The following DGKH variants were observed in gnomAD, a reference collection of about 807,000 sequenced individuals.
The protein encoded by DGKH is diacylglycerol kinase eta.
In DGKH, 90 loss-of-function variants were observed where a neutral mutation model predicts 159.3. That is an observed-to-expected ratio of 0.57 (90% CI 0.48 to 0.67). DGKH has a LOEUF of 0.67. DGKH is among the 30% of genes least tolerant of loss of function. DGKH has a pLI of 0.00. For synonymous variants in DGKH, 536 were observed against 553.8 expected, an observed-to-expected ratio of 0.97 and a Z score of 0.45; for missense variants, 1,181 against 1,506.1, an observed-to-expected ratio of 0.78 and a Z score of 3.57.
intron 3 of DGKH, among the ~76,000 whole-genome samples, chr13:42,132,185 A>G (rs1170794182): frequency 3.3e-5 from 5 of 152,226 alleles, no homozygotes; most frequent in African/African-American, 1.2e-4. Context: ...TGTAGGATAC[A>G]TAGTGATGTT....
intron 3 of DGKH, among the ~76,000 whole-genome samples, chr13:42,135,318 G>T (rs552133925): frequency 2.6e-5 from 4 of 151,664 alleles, no homozygotes; most frequent in African/African-American, 9.7e-5. Flanking sequence ...GGGCAAAATG[G>T]CGAAACCCCA....
rs967560389 is a variant in DGKH, at chr13:42,081,154, C to T, written c.192+32189C>T. Among the ~76,000 whole-genome samples the T allele has an allele frequency of 4.6e-5, 7 of 151,868 alleles. No homozygotes were observed. The South Asian group carries it at 1.5e-3, about 32-fold the overall frequency. ...CTATCATGGTTGCCAAATGAATTTT[C>T]CAATTTTATCGTTCTTTATTTTCAT... On this transcript the variant is annotated intron_variant, in intron 1 of 29. Transcript: ENST00000337343.
chr13:42,254,439 C>T (rs1425696066), intron 30 of DGKH, among the ~76,000 whole-genome samples: 1 of 152,064 alleles, frequency 6.6e-6, no homozygotes, highest in Non-Finnish European at 1.5e-5. Flanking sequence ...CAAGACCAGC[C>T]TGGCCAACAT....
chr13:42,170,340 G>T (rs770309939), intron 11 of DGKH, among the ~76,000 whole-genome samples: 4 of 152,162 alleles, frequency 2.6e-5, no homozygotes, highest in Non-Finnish European at 5.9e-5. Context: ...TTGAGCCCAG[G>T]AGGTGGAGGT....
downstream of DGKH, among the ~76,000 whole-genome samples, chr13:42,243,478 G>A (rs951116047): frequency 3.3e-5 from 5 of 152,206 alleles, no homozygotes; most frequent in Admixed American, 2.6e-4. Context: ...TGCATGACAA[G>A]TGTTGTCTCT....
chr13:42,063,029 A>C (rs1882297515), intron 1 of DGKH, among the ~76,000 whole-genome samples: 1 of 152,194 alleles, frequency 6.6e-6, no homozygotes, highest in Admixed American at 6.5e-5. Context: ...GGTTTAAAAA[A>C]TGTTCTTTGG....
At chr13:42,220,996 G>T (rs538104132) in intron 28 of DGKH, among the ~76,000 whole-genome samples, 4 of 152,278 alleles carry the variant, frequency 2.6e-5, no homozygotes, top group Non-Finnish European at 5.9e-5. Flanking sequence ...ATATTGTGTA[G>T]GTTGGGTGGC....
intron 3 of DGKH, among the ~76,000 whole-genome samples, chr13:42,143,620 C>T (rs369198699): frequency 2.6e-5 from 4 of 152,108 alleles, no homozygotes; most frequent in African/African-American, 4.8e-5. Context: ...TTCCTGGTTT[C>T]GTCTTGGGAG....
chr13:42,190,357 C>A (rs762128445), intron 15 of DGKH, 46 bp from the exon 16 acceptor site: 2 of 1,579,178 alleles, frequency 1.3e-6, no homozygotes, highest in Non-Finnish European at 1.7e-6. Flanking sequence ...TATTAATGGG[C>A]TTTATTTTCA....
rs143470293 is a variant in DGKH, at chr13:42,151,478, G to GGTGTGTGT, written c.385-3792_385-3785dup. ...TTTTTGTGACTGAGTAGTATTCCAT[G>GGTGTGTGT]GTGTGTGTGTGTGTGTGTGTGTGTG... On this transcript the variant is annotated intron_variant, in intron 3 of 29. Transcript: ENST00000337343. 1.4e-3 allele frequency among the ~76,000 whole-genome samples: 174 copies of GGTGTGTGT among 126,368 alleles called. 2 individuals carry two copies. In the East Asian group the frequency reaches 0.022, roughly 16 times the overall value. 82.9% of individuals were successfully genotyped at this position (126,368 alleles called of 152,430 possible). A position where few individuals can be genotyped will look rare whatever the true frequency, so the allele number is the denominator to read the frequency against.
intron 11 of DGKH, among the ~76,000 whole-genome samples, chr13:42,169,513 A>G (rs990456079): frequency 2.5e-4 from 38 of 152,220 alleles, no homozygotes; most frequent in African/African-American, 9.2e-4. Flanking sequence ...AACAGGACTC[A>G]GTAACCAGCC....
At position 42,169,705 on chromosome 13, in the gene DGKH, T is replaced by C. The variant is rs550936929; in HGVS notation, c.1367+887T>C. 2.6e-5 allele frequency among the ~76,000 whole-genome samples: 4 copies of C among 152,346 alleles called. No homozygotes were observed. The South Asian group carries it at 8.3e-4, about 32-fold the overall frequency. ...AATTACTCTAAGATGGGCTATAACC[T>C]AATTAATTGTAACCTTGCCTGTCAT... On this transcript the variant is annotated intron_variant, in intron 11 of 29. Coordinates refer to ENST00000337343, the MANE Select transcript of DGKH (RefSeq NM_178009.5).
At chr13:42,256,060 G>A in intron 30 of DGKH, 1 of 1,336,376 alleles carries the variant, frequency 7.5e-7, no homozygotes, top group South Asian at 1.2e-5. Context: ...GGTCAGGTCT[G>A]GGAGAACTGA....
chr13:42,168,559 A>G lies in DGKH; in HGVS notation c.1227+11A>G, dbSNP rs763075592. 5 of 1,613,782 alleles carry G rather than the reference A, an allele frequency of 3.1e-6. No individual in the cohort carries two copies. In the East Asian group the frequency reaches 1.1e-4, roughly 36 times the overall value. Reference sequence around the variant, plus strand: ...AACTTGAATAAACAGGCAAGTGCTAATTCTTTTACTTGCTAGTTAACATGA... The same window carrying G: ...AACTTGAATAAACAGGCAAGTGCTAGTTCTTTTACTTGCTAGTTAACATGA... On this transcript the variant is annotated intron_variant, in intron 10 of 29. Coordinates refer to ENST00000337343, the MANE Select transcript of DGKH (RefSeq NM_178009.5).
intron 1 of DGKH, among the ~76,000 whole-genome samples, chr13:42,088,168 G>A (rs1045670071): frequency 6.6e-6 from 1 of 152,146 alleles, no homozygotes; most frequent in Non-Finnish European, 1.5e-5. Flanking sequence ...TATGCTCAGT[G>A]AAAAATATCT....
At chr13:42,183,925 C>G (rs1956839584) in intron 13 of DGKH, among the ~76,000 whole-genome samples, 1 of 152,294 alleles carries the variant, frequency 6.6e-6, no homozygotes, top group African/African-American at 2.4e-5. Context: ...ACTCTACTCA[C>G]CCCCCAAGTT....
Position 42,158,927 on chromosome 13 carries a change from CCTG to C in DGKH, c.623-336_623-334del, listed in dbSNP as rs545871419. Among the ~76,000 whole-genome samples the C allele has an allele frequency of 3.3e-3, 500 of 152,222 alleles. 1 individual carries two copies. Among genetic ancestry groups the C allele is most frequent in the Non-Finnish European group, 4.8e-3 (329 of 68,008 alleles). ...TTTAAAATGGGATGTCACCAGCAGA[CCTG>C]CTACCAAATTTTATTTGCTTCCCTC... is the stretch of plus-strand genomic sequence containing the variant. On this transcript the variant is annotated intron_variant, in intron 5 of 29. Coordinates refer to ENST00000337343, the MANE Select transcript of DGKH (RefSeq NM_178009.5).
downstream of DGKH, among the ~76,000 whole-genome samples, chr13:42,246,529 C>T (rs761593555): frequency 6.6e-6 from 1 of 152,128 alleles, no homozygotes; most frequent in Non-Finnish European, 1.5e-5. Flanking sequence ...ATACCAACCC[C>T]GTGAGTTTAT....
chr13:42,203,098 CAAAAT>C (rs1957385612), intron 20 of DGKH, among the ~76,000 whole-genome samples: 1 of 152,022 alleles, frequency 6.6e-6, no homozygotes, highest in East Asian at 1.9e-4. Context: ...TTTTAAAAAA[CAAAAT>C]AAATTTAGTT....
Sources: allele counts gnomAD v4.1 joint callset (sites outside exome capture counted in the v4.1 genomes callset), GRCh38; gene constraint gnomAD v4.1.1; transcripts MANE v1.5; gene names NCBI Gene and HGNC (gene_info 2026-07-23, HGNC 2026-07-21).